CDH2: variants seen among roughly 807,000 people sequenced by gnomAD.
The protein encoded by CDH2 is cadherin 2, also known as cadherin-2.
CDH2 carries 17 observed loss-of-function variants against 92.0 expected under a neutral mutation model. The observed-to-expected ratio is 0.18, with a 90% CI of 0.13 to 0.28. The LOEUF is 0.28. CDH2 is among the 10% of genes least tolerant of loss of function. The pLI is 1.00. For missense variants in CDH2, 862 were observed against 1,133.1 expected (o/e 0.76, Z 3.44); for synonymous variants, 419 against 415.9 (o/e 1.01, Z -0.09).
At chr18:28,140,700 A>G (rs1195085291) in intron 2 of CDH2, among the ~76,000 whole-genome samples, 1 of 151,626 alleles carries the variant, frequency 6.6e-6, no homozygotes, top group African/African-American at 2.4e-5. Flanking sequence ...TACCCAATTT[A>G]TGGATTTTGT....
At chr18:28,042,549 T>C (rs1485584845) in intron 2 of CDH2, among the ~76,000 whole-genome samples, 1 of 152,208 alleles carries the variant, frequency 6.6e-6, no homozygotes, top group Admixed American at 6.5e-5. Context: ...TATAAAATTA[T>C]TCATTCATTC....
chr18:28,017,301 G>A (rs2013276759), intron 2 of CDH2, among the ~76,000 whole-genome samples: 1 of 151,962 alleles, frequency 6.6e-6, no homozygotes, highest in Non-Finnish European at 1.5e-5. Flanking sequence ...TTTGTTATTG[G>A]TCTGTTCAGA....
chr18:28,141,577 C>T (rs532496919), intron 2 of CDH2, among the ~76,000 whole-genome samples: 7 of 150,486 alleles, frequency 4.7e-5, no homozygotes, highest in Non-Finnish European at 8.9e-5. Context: ...CTAATTCCAC[C>T]GCTACCACTT....
intron 1 of CDH2, among the ~76,000 whole-genome samples, chr18:28,168,387 A>C (rs1271539936): frequency 1.3e-5 from 2 of 152,150 alleles, no homozygotes; most frequent in Non-Finnish European, 2.9e-5. Context: ...CGAAAAAGTA[A>C]TGCAAAGTGT....
intron 2 of CDH2, among the ~76,000 whole-genome samples, chr18:28,027,046 G>C (rs898638034): frequency 1.3e-5 from 2 of 152,106 alleles, no homozygotes; most frequent in African/African-American, 4.8e-5. Context: ...GCCAGCTGGA[G>C]GTAATACAAG....
chr18:27,961,031 A>G (rs185709264), intron 15 of CDH2, among the ~76,000 whole-genome samples: 4 of 46,544 alleles, frequency 8.6e-5, no homozygotes, highest in African/African-American at 2.4e-4. Context: ...AAAAAAGAAC[A>G]AAAAAAAAAT....
intron 2 of CDH2, among the ~76,000 whole-genome samples, chr18:28,132,340 C>T (rs1410563861): frequency 2.0e-5 from 3 of 152,210 alleles, no homozygotes; most frequent in Non-Finnish European, 4.4e-5. Context: ...TATATTAATT[C>T]AGCAGCTCAA....
chr18:28,085,196 A>G (rs1283759729), intron 2 of CDH2, among the ~76,000 whole-genome samples: 1 of 152,062 alleles, frequency 6.6e-6, no homozygotes, highest in Admixed American at 6.6e-5. Context: ...GTACACAGCC[A>G]TAAACTTAAA....
At chr18:27,984,960 C>A (rs770240177) in intron 13 of CDH2, 40 bp downstream of exon 13, 1 of 1,497,940 alleles carries the variant, frequency 6.7e-7, no homozygotes, top group Non-Finnish European at 9.3e-7. Flanking sequence ...ATCCTAGAAG[C>A]CAAGAGAACT....
chr18:27,985,889 G>C (rs2012217118), intron 11 of CDH2, 128 bp from the exon 12 acceptor site: 1 of 618,762 alleles, frequency 1.6e-6, no homozygotes, highest in South Asian at 2.1e-5. Flanking sequence ...AAACATAGTT[G>C]CTATGGCATC....
chr18:27,955,071 A>G (rs1478567664), intron 15 of CDH2, among the ~76,000 whole-genome samples: 1 of 152,164 alleles, frequency 6.6e-6, no homozygotes. Context: ...CATTATGACA[A>G]TTGCTTTATA....
chr18:28,002,881 T>C, intron 7 of CDH2, 116 bp downstream of exon 7: 2 of 956,998 alleles, frequency 2.1e-6, no homozygotes, highest in South Asian at 1.6e-5. Flanking sequence ...TGAAAACGAT[T>C]AGCATTTGAA....
chr18:28,013,803 A>G lies in CDH2; in HGVS notation c.279T>C (p.Phe93=). The G allele has an allele frequency of 6.2e-7, 1 of 1,614,036 alleles. No individual in the cohort carries two copies. Among genetic ancestry groups the G allele is most frequent in the Non-Finnish European group, 8.5e-7 (1 of 1,179,926 alleles). Residue 93 remains phenylalanine, a synonymous_variant, in exon 3 of 16, where the codon TTT becomes TTC. Transcript: ENST00000269141. Reference sequence around the variant, plus strand: ...ACTTGGCATGCTCAGAAGAGAGTGGAAAGCTTCTCACGGCATACACCATGC... The same window carrying G: ...ACTTGGCATGCTCAGAAGAGAGTGGGAAGCTTCTCACGGCATACACCATGC... ...EDGMVYAVRS[F]PLSSEHAKFL... is the part of the protein sequence containing the mutation.
chr18:28,140,449 GA>G (rs1193830645), intron 2 of CDH2, among the ~76,000 whole-genome samples: 7 of 152,036 alleles, frequency 4.6e-5, no homozygotes, highest in South Asian at 2.1e-4. Context: ...ATAGTATTAG[GA>G]GGTGGAATTT....
In CDH2 at chr18:27,952,236, C is replaced by T. The variant is rs371258872; in HGVS notation, c.2638G>A (p.Gly880Ser). ...TTCAGGTAATCATAGTCCTGCTCACCACCACTACTTGAGGAATTAAGGGAG... is the reference window on the plus strand; with the variant it reads ...TTCAGGTAATCATAGTCCTGCTCACTACCACTACTTGAGGAATTAAGGGAG... ...LSSLNSSSSG[G>S]EQDYDYLNDW... Residue 880 changes from glycine (G) to serine (S), a missense_variant, in exon 16 of 16, where the codon GGT becomes AGT. By Grantham distance (56) the Gly-to-Ser change is moderately conservative. Transcript: ENST00000269141. 1.2e-6 allele frequency: 2 copies of T among 1,613,554 alleles called. No individual in the cohort carries two copies. The highest frequency in any genetic ancestry group is 1.3e-5 in the African/African-American group (1 of 74,864).
At chr18:28,077,125 T>C (rs2144181176) in intron 2 of CDH2, among the ~76,000 whole-genome samples, 1 of 152,272 alleles carries the variant, frequency 6.6e-6, no homozygotes, top group South Asian at 2.1e-4. Flanking sequence ...AATGTTAATT[T>C]TGCCTTTCCT....
intron 2 of CDH2, among the ~76,000 whole-genome samples, chr18:28,113,433 G>GGCC (rs1293461289): frequency 3.3e-5 from 5 of 150,122 alleles, no homozygotes; most frequent in African/African-American, 7.4e-5. Context: ...TTAATCATCT[G>GGCC]GAATGCAGAA....
intron 2 of CDH2, among the ~76,000 whole-genome samples, chr18:28,118,526 TTTG>T (rs1319607700): frequency 1.2e-4 from 19 of 152,162 alleles, no homozygotes; most frequent in South Asian, 1.2e-3. Context: ...CCAAGTGTTC[TTTG>T]TTGTTGTTGT....
At chr18:28,146,372 C>G (rs1332989982) in intron 2 of CDH2, 1 of 151,954 alleles carries the variant, frequency 6.6e-6, no homozygotes, top group Non-Finnish European at 1.5e-5. Flanking sequence ...GGGATACACA[C>G]AGAAGAACTC....
Sources: allele counts gnomAD v4.1 joint callset (sites outside exome capture counted in the v4.1 genomes callset), GRCh38; gene constraint gnomAD v4.1.1; transcripts MANE v1.5; gene names NCBI Gene and HGNC (gene_info 2026-07-23, HGNC 2026-07-21).